FHAD1: variants seen among roughly 807,000 people sequenced by gnomAD.
The protein encoded by FHAD1 is forkhead-associated domain-containing protein 1.
In FHAD1, 146 loss-of-function variants were observed where a neutral mutation model predicts 191.3. The ratio of observed to expected loss-of-function variants is 0.76; its 90% CI spans 0.67 to 0.88. FHAD1 has a LOEUF of 0.88. Among genes scored for constraint, FHAD1 ranks in the 40% least tolerant of loss-of-function variants. FHAD1 has a pLI of 0.00. For synonymous variants in FHAD1, 616 were observed against 672.3 expected, an observed-to-expected ratio of 0.92 and a Z score of 1.29; for missense variants, 1,635 against 1,785.8, an observed-to-expected ratio of 0.92 and a Z score of 1.52.
chr1:15,347,321 G>A (rs948175690), intron 18 of FHAD1, among the ~76,000 whole-genome samples: 1 of 152,228 alleles, frequency 6.6e-6, no homozygotes, highest in African/African-American at 2.4e-5. Flanking sequence ...ATAAATTCAA[G>A]CTTCATTGCA....
chr1:15,313,959 C>T (rs1673108758), intron 8 of FHAD1, among the ~76,000 whole-genome samples: 1 of 151,658 alleles, frequency 6.6e-6, no homozygotes, highest in South Asian at 2.1e-4. Flanking sequence ...ACTCAGGAGG[C>T]TGAGGCAGGA....
At chr1:15,336,615 G>GA (rs1476173936) in intron 14 of FHAD1, among the ~76,000 whole-genome samples, 3 of 152,054 alleles carry the variant, frequency 2.0e-5, no homozygotes, top group Non-Finnish European at 4.4e-5. Context: ...GTACCATCCT[G>GA]AAAAAAATCA....
At chr1:15,299,073 G>A (rs1217375279) in intron 5 of FHAD1, among the ~76,000 whole-genome samples, 2 of 151,260 alleles carry the variant, frequency 1.3e-5, no homozygotes, top group Admixed American at 6.6e-5. Context: ...AGTGGAACTT[G>A]CCTATAGCCC....
chr1:15,374,246 A>G (rs1300354544), intron 26 of FHAD1, among the ~76,000 whole-genome samples: 2 of 152,232 alleles, frequency 1.3e-5, no homozygotes, highest in Non-Finnish European at 1.5e-5. Flanking sequence ...AGAAGAAAAA[A>G]TAAAACGTGG....
At chr1:15,355,391 C>T (rs926039845) in intron 20 of FHAD1, among the ~76,000 whole-genome samples, 3 of 152,018 alleles carry the variant, frequency 2.0e-5, no homozygotes, top group Non-Finnish European at 2.9e-5. Context: ...TCTGTACACT[C>T]GGAAGAGCAA....
At chr1:15,244,066 G>T (rs560664352), upstream of FHAD1, among the ~76,000 whole-genome samples, 4 of 151,678 alleles carry the variant, frequency 2.6e-5, no homozygotes, top group South Asian at 8.4e-4. This position sits in a 1 kb window ranked among gnomAD's most constrained non-coding sequence, Gnocchi z 5.1. Context: ...TTTTTTTCAG[G>T]GACAGTATTT....
At chr1:15,267,211 T>G (rs1465329040) in intron 2 of FHAD1, among the ~76,000 whole-genome samples, 1 of 152,166 alleles carries the variant, frequency 6.6e-6, no homozygotes, top group African/African-American at 2.4e-5. Flanking sequence ...AGAATATATC[T>G]CCCCATTTTT....
intron 1 of FHAD1, 150 bp from the exon 2 acceptor site, chr1:15,251,621 C>G: frequency 1.7e-6 from 1 of 602,122 alleles, no homozygotes; most frequent in South Asian, 2.6e-5. Context: ...TCCTTGTCGT[C>G]ATTGTTGACT....
In FHAD1 at chr1:15,287,468, C is replaced by T. The variant is rs367969447; in HGVS notation, c.301-1931C>T. ...AGCAAACGTGTCCTTCCTCACATGG[C>T]GGCAGCAAGGAGAAGTGCAGAGCAA... On this transcript the variant is annotated intron_variant, in intron 3 of 33. Transcript: ENST00000688493. Among the ~76,000 whole-genome samples, 25 of 152,224 alleles carry T rather than the reference C, an allele frequency of 1.6e-4. No individual in the cohort carries two copies. The East Asian group carries it at 2.3e-3, about 14-fold the overall frequency.
At chr1:15,360,007 G>A (rs1218020547) in intron 21 of FHAD1, among the ~76,000 whole-genome samples, 1 of 152,158 alleles carries the variant, frequency 6.6e-6, no homozygotes. Flanking sequence ...CAGCTACTCA[G>A]GAGGCTGAGG....
chr1:15,399,064 C>T (rs1706822303), downstream of FHAD1, among the ~76,000 whole-genome samples: 1 of 152,188 alleles, frequency 6.6e-6, no homozygotes, highest in Non-Finnish European at 1.5e-5. Flanking sequence ...TCAGGTGATC[C>T]ACCCACCTTG....
chr1:15,397,475 C>A lies in FHAD1; in HGVS notation c.*62C>A. The A allele has an allele frequency of 2.6e-6, 2 of 756,378 alleles. No individual in the cohort carries two copies. Among genetic ancestry groups the A allele is most frequent in the South Asian group, 2.6e-5 (1 of 38,706 alleles). 46.9% of individuals were successfully genotyped at this position (756,378 alleles called of 1,614,324 possible). ...GTGAGTTCATGTGACTCTTCTGTGT[C>A]ATCTGTGTCAAAATACTGAGTTGCT... On this transcript the variant is annotated 3_prime_UTR_variant, in exon 34 of 34. Coordinates refer to ENST00000688493, the MANE Select transcript of FHAD1 (RefSeq NM_001391957.1).
chr1:15,330,885 C>T (rs924547118), intron 14 of FHAD1, among the ~76,000 whole-genome samples: 4 of 152,088 alleles, frequency 2.6e-5, no homozygotes, highest in African/African-American at 9.7e-5. Flanking sequence ...ATCTTGGTGG[C>T]AAGTGGACAA....
downstream of FHAD1, among the ~76,000 whole-genome samples, chr1:15,398,512 C>G (rs1324984617): frequency 1.3e-5 from 2 of 152,106 alleles, no homozygotes; most frequent in African/African-American, 2.4e-5. Flanking sequence ...AGCTAGTCAA[C>G]TCAAGAGTTG....
intron 2 of FHAD1, among the ~76,000 whole-genome samples, chr1:15,261,615 ACT>A (rs768069003): frequency 9.2e-5 from 14 of 151,560 alleles, no homozygotes; most frequent in Non-Finnish European, 1.6e-4. Flanking sequence ...GCTTCTCAAG[ACT>A]CTCCCAGAGA....
chr1:15,354,971 G>T (rs531386561), intron 20 of FHAD1, among the ~76,000 whole-genome samples: 13 of 152,334 alleles, frequency 8.5e-5, no homozygotes, highest in African/African-American at 2.9e-4. Flanking sequence ...CACTTTGGGA[G>T]GCCAAGGTGG....
At chr1:15,330,064 C>T (rs1317190254) in intron 14 of FHAD1, 1 of 153,924 alleles carries the variant, frequency 6.5e-6, no homozygotes, top group Non-Finnish European at 1.4e-5. Context: ...ACGTTACCCT[C>T]GATTTTCTTT....
intron 1 of FHAD1, among the ~76,000 whole-genome samples, chr1:15,248,013 G>C (rs570732197): frequency 6.6e-6 from 1 of 152,064 alleles, no homozygotes; most frequent in African/African-American, 2.4e-5. Context: ...GATTAAAGTG[G>C]GGAAATAGGG....
intron 31 of FHAD1, chr1:15,384,647 G>A (rs1247308664): frequency 1.3e-5 from 2 of 152,228 alleles, no homozygotes; most frequent in Non-Finnish European, 2.9e-5. Flanking sequence ...GAGGAGGAAG[G>A]TCCGAAGCGG....
Sources: allele counts gnomAD v4.1 joint callset (sites outside exome capture counted in the v4.1 genomes callset), GRCh38; gene constraint gnomAD v4.1.1; non-coding constraint Gnocchi (gnomAD v3.1); transcripts MANE v1.5; gene names NCBI Gene and HGNC (gene_info 2026-07-23, HGNC 2026-07-21).